CCDC141: variants seen among roughly 807,000 people sequenced by gnomAD.
The protein encoded by CCDC141 is coiled-coil domain-containing protein 141.
CCDC141 carries 168 observed loss-of-function variants against 181.0 expected under a neutral mutation model. That is an observed-to-expected ratio of 0.93 (90% confidence interval 0.82 to 1.05). The LOEUF is 1.05. CCDC141 is among the 50% of genes least tolerant of loss of function. The pLI is 0.00. For synonymous variants in CCDC141, 666 were observed against 642.3 expected, an observed-to-expected ratio of 1.04 and a Z score of -0.56; for missense variants, 1,902 against 1,788.5, an observed-to-expected ratio of 1.06 and a Z score of -1.14.
intron 1 of CCDC141, among the ~76,000 whole-genome samples, chr2:179,049,325 G>A (rs946086910): frequency 6.6e-6 from 1 of 152,172 alleles, no homozygotes; most frequent in Non-Finnish European, 1.5e-5. Context: ...GTCAAAACCA[G>A]TGTGGCAAAG....
rs79220514 is a variant in CCDC141, at chr2:178,866,125, A to G, written c.2575-209T>C. 0.074 allele frequency among the ~76,000 whole-genome samples: 11,270 copies of G among 152,280 alleles called. 597 individuals carry two copies. The highest frequency in any genetic ancestry group is 0.16 in the Admixed American group (2,498 of 15,292). On this transcript the variant is annotated intron_variant, in intron 16 of 23. Transcript: ENST00000443758. ...TTATGGAAAAGACATTTCCCAGCTC[A>G]AATCTCTAGTGTTGAAGATTCGCTC...
At chr2:178,871,733 T>C (rs550521717) in intron 13 of CCDC141, among the ~76,000 whole-genome samples, 181 bp from the exon 14 acceptor site, 1 of 152,222 alleles carries the variant, frequency 6.6e-6, no homozygotes, top group East Asian at 1.9e-4. Context: ...TCTGCTGCCT[T>C]TTTTGGTTTT....
At chr2:178,861,038 TC>T (rs1292993611) in intron 17 of CCDC141, among the ~76,000 whole-genome samples, 1 of 152,182 alleles carries the variant, frequency 6.6e-6, no homozygotes, top group Non-Finnish European at 1.5e-5. Flanking sequence ...CAAATTGTAA[TC>T]TTTCTTATCC....
chr2:178,964,882 T>C (rs931994773), intron 4 of CCDC141, among the ~76,000 whole-genome samples: 2 of 152,250 alleles, frequency 1.3e-5, no homozygotes, highest in Admixed American at 6.5e-5. Context: ...CCTTGTGATA[T>C]GAACTTAGAA....
the CCDC141 span, among the ~76,000 whole-genome samples, chr2:178,823,924 CT>C: frequency 6.6e-6 from 1 of 151,990 alleles, no homozygotes; most frequent in South Asian, 2.1e-4. Context: ...AAGCTTATTT[CT>C]TCATCAAATC....
At chr2:178,943,332 T>G (rs1264488308) in intron 6 of CCDC141, among the ~76,000 whole-genome samples, 3 of 152,180 alleles carry the variant, frequency 2.0e-5, no homozygotes, top group Non-Finnish European at 4.4e-5. Context: ...CTTCTGTAAG[T>G]GCACCTTTTA....
chr2:178,902,085 A>G (rs151255837), intron 8 of CCDC141, among the ~76,000 whole-genome samples: 8,628 of 152,210 alleles, frequency 0.057, 393 homozygotes, highest in Admixed American at 0.15. Flanking sequence ...ACTACAAACC[A>G]CTGCTCAATG....
At chr2:178,828,812 G>A (rs1343436153), downstream of CCDC141, among the ~76,000 whole-genome samples, 1 of 152,000 alleles carries the variant, frequency 6.6e-6, no homozygotes, top group Non-Finnish European at 1.5e-5. Context: ...GATAAAGTAG[G>A]TCCCTTTATA....
At chr2:178,984,569 C>A (rs990891709) in intron 2 of CCDC141, among the ~76,000 whole-genome samples, 12 of 149,902 alleles carry the variant, frequency 8.0e-5, no homozygotes, top group African/African-American at 2.9e-4. Context: ...TTCAGGAAAC[C>A]CATCTCACGT....
At chr2:178,841,186 T>C (rs1393909041) in intron 22 of CCDC141, among the ~76,000 whole-genome samples, 1 of 152,224 alleles carries the variant, frequency 6.6e-6, no homozygotes, top group Non-Finnish European at 1.5e-5. Flanking sequence ...AGAACAAAGT[T>C]AGATATCTCC....
intron 2 of CCDC141, among the ~76,000 whole-genome samples, chr2:179,000,315 C>G (rs899394185): frequency 6.6e-5 from 10 of 152,088 alleles, no homozygotes; most frequent in Non-Finnish European, 1.2e-4. Flanking sequence ...TGGAACACAA[C>G]TATGTCTACT....
At chr2:179,029,997 G>C (rs1349524724) in intron 2 of CCDC141, among the ~76,000 whole-genome samples, 2 of 152,056 alleles carry the variant, frequency 1.3e-5, no homozygotes, top group Non-Finnish European at 2.9e-5. Flanking sequence ...TATCCCATTT[G>C]TATATGTAAT....
intron 10 of CCDC141, among the ~76,000 whole-genome samples, chr2:178,885,365 TA>T (rs1326977451): frequency 3.3e-5 from 5 of 152,208 alleles, no homozygotes; most frequent in African/African-American, 9.6e-5. Context: ...GGTTGTTTGG[TA>T]TGAAAGGTTA....
chr2:178,966,044 C>T (rs1458051913), intron 4 of CCDC141, among the ~76,000 whole-genome samples: 2 of 152,198 alleles, frequency 1.3e-5, no homozygotes, highest in Non-Finnish European at 2.9e-5. Context: ...AGCTCAGCAA[C>T]GCTGCTGTGG....
At chr2:178,861,033 T>C (rs1685592162) in intron 17 of CCDC141, among the ~76,000 whole-genome samples, 1 of 152,194 alleles carries the variant, frequency 6.6e-6, no homozygotes, top group African/African-American at 2.4e-5. Flanking sequence ...TAGAGCAAAT[T>C]GTAATCTTTC....
intron 4 of CCDC141, among the ~76,000 whole-genome samples, chr2:178,964,657 C>T (rs898909341): frequency 2.0e-5 from 3 of 152,166 alleles, no homozygotes; most frequent in African/African-American, 4.8e-5. Flanking sequence ...GTTTCCTCTG[C>T]CAGTTCCCTT....
At chr2:179,044,266 A>T (rs145486629) in intron 2 of CCDC141, among the ~76,000 whole-genome samples, 6,757 of 152,278 alleles carry the variant, frequency 0.044, 166 homozygotes, top group African/African-American at 0.063. Context: ...TATTCCCATT[A>T]AACTACCATT....
chr2:179,047,503 T>TA, intron 1 of CCDC141, 97 bp from the exon 2 acceptor site: 3 of 1,070,918 alleles, frequency 2.8e-6, no homozygotes, highest in Non-Finnish European at 3.8e-6. Flanking sequence ...TTTCCAGTTA[T>TA]ACTGTAAACA....
intron 4 of CCDC141, among the ~76,000 whole-genome samples, chr2:178,974,356 G>A (rs1015430790): frequency 6.6e-5 from 10 of 152,104 alleles, no homozygotes; most frequent in South Asian, 2.1e-4. Context: ...GAAAAGAAAC[G>A]GTTGTTTCTA....
Sources: gnomAD v4.1 joint callset for allele counts (sites outside exome capture counted in the v4.1 genomes callset) on GRCh38, gnomAD v4.1.1 for gene constraint, MANE v1.5 for transcripts, NCBI Gene and HGNC (gene_info 2026-07-23, HGNC 2026-07-21) for gene names.